SHOC2: variants seen among roughly 807,000 people sequenced by gnomAD.
SHOC2 encodes the protein SHOC2 leucine rich repeat scaffold protein.
Under a neutral mutation model 50.2 loss-of-function variants are expected in SHOC2, and 4 were observed. The observed-to-expected ratio is 0.08, with a 90% CI of 0.04 to 0.18. The LOEUF is 0.18. SHOC2 is among the 10% of genes least tolerant of loss of function. The probability of loss-of-function intolerance (pLI) is 1.00; values close to 1 mark genes in which losing one functional copy is unlikely to be tolerated. For synonymous variants in SHOC2, 218 were observed against 244.5 expected (o/e 0.89, Z 1.01); for missense variants, 388 against 669.6 (o/e 0.58, Z 4.64).
chr10:111,010,730 C>G (rs1848551751), intron 8 of SHOC2, among the ~76,000 whole-genome samples: 1 of 152,064 alleles, frequency 6.6e-6, no homozygotes, highest in Non-Finnish European at 1.5e-5. Flanking sequence ...TCTAGCCCTG[C>G]TGCTTATTGG....
chr10:111,000,561 G>A lies in SHOC2; in HGVS notation c.972+16G>A, dbSNP rs1438996295. 1.2e-6 allele frequency: 2 copies of A among 1,601,262 alleles called. No individual in the cohort carries two copies. The highest frequency in any genetic ancestry group is 1.7e-6 in the Non-Finnish European group (2 of 1,170,392). ...TTTACCAGAGGTAAGAAGTGGATTAGAGAAAACAAGATTTGAAATGAGTCT... is the reference window on the plus strand; with the variant it reads ...TTTACCAGAGGTAAGAAGTGGATTAAAGAAAACAAGATTTGAAATGAGTCT... On this transcript the variant is annotated intron_variant, in intron 4 of 8. Coordinates refer to ENST00000369452, the MANE Select transcript of SHOC2 (RefSeq NM_007373.4).
intron 3 of SHOC2, among the ~76,000 whole-genome samples, chr10:110,997,889 T>A (rs925061605): frequency 6.6e-6 from 1 of 152,196 alleles, no homozygotes; most frequent in South Asian, 2.1e-4. Flanking sequence ...TTATTGAATA[T>A]TTAGATTGTC....
chr10:110,941,547 G>A (rs1267460487), intron 1 of SHOC2, among the ~76,000 whole-genome samples: 2 of 150,956 alleles, frequency 1.3e-5, no homozygotes, highest in Non-Finnish European at 2.9e-5. Context: ...GGCCAGGCCA[G>A]TCTCGAACTC....
At chr10:110,937,244 C>T in intron 1 of SHOC2, 1 of 1,067,052 alleles carries the variant, frequency 9.4e-7, no homozygotes, top group South Asian at 1.3e-5. Context: ...CTTCGGCTGC[C>T]CCTTGGGAAA....
At chr10:110,942,736 T>G (rs1235160252) in intron 1 of SHOC2, among the ~76,000 whole-genome samples, 1 of 152,246 alleles carries the variant, frequency 6.6e-6, no homozygotes, top group Non-Finnish European at 1.5e-5. Context: ...GTACTCACTT[T>G]ATTTCTAATA....
intron 2 of SHOC2, among the ~76,000 whole-genome samples, chr10:110,970,140 A>G (rs1417390121): frequency 2.0e-5 from 3 of 152,160 alleles, no homozygotes; most frequent in African/African-American, 7.2e-5. Flanking sequence ...AACAGATAGA[A>G]TTCCTCCTAT....
chr10:110,935,268 G>A (rs538282355), intron 1 of SHOC2, among the ~76,000 whole-genome samples: 1 of 152,346 alleles, frequency 6.6e-6, no homozygotes, highest in Admixed American at 6.5e-5. Context: ...CTGAGGCACA[G>A]AAACTTTAAA....
chr10:110,972,432 G>T (rs180841768), intron 2 of SHOC2, among the ~76,000 whole-genome samples: 2 of 152,230 alleles, frequency 1.3e-5, no homozygotes, highest in Non-Finnish European at 2.9e-5. Context: ...ATTCATAGTT[G>T]TTAATAAATA....
chr10:110,968,155 C>T (rs1011145822), intron 2 of SHOC2, among the ~76,000 whole-genome samples: 4 of 152,162 alleles, frequency 2.6e-5, no homozygotes, highest in African/African-American at 7.2e-5. Flanking sequence ...CTTATTATAA[C>T]CATTCTATCG....
At chr10:110,979,704 T>C (rs989701754) in intron 2 of SHOC2, among the ~76,000 whole-genome samples, 27 of 152,206 alleles carry the variant, frequency 1.8e-4, no homozygotes, top group African/African-American at 6.3e-4. Flanking sequence ...TTTCTTCATC[T>C]TTTTCCCCCA....
Position 110,938,653 on chromosome 10 carries a change from G to A in SHOC2, c.-235+18996G>A, listed in dbSNP as rs539445649. Among the ~76,000 whole-genome samples the A allele has an allele frequency of 5.9e-5, 9 of 152,226 alleles. No individual in the cohort carries two copies. In the East Asian group the frequency reaches 7.7e-4, roughly 13 times the overall value. ...TATAATAATGTACTTTGCGAAGAAC[G>A]TATAGAACACTAATAATTTCTACTT... On this transcript the variant is annotated intron_variant, in intron 1 of 8. Coordinates refer to ENST00000369452, the MANE Select transcript of SHOC2 (RefSeq NM_007373.4).
intron 1 of SHOC2, among the ~76,000 whole-genome samples, chr10:110,947,324 A>G (rs895615081): frequency 1.3e-5 from 2 of 152,212 alleles, no homozygotes; most frequent in African/African-American, 4.8e-5. Flanking sequence ...CTGCTGGAGA[A>G]GTCAGGCAGC....
chr10:110,975,217 G>T (rs543248465), intron 2 of SHOC2, among the ~76,000 whole-genome samples: 1 of 150,802 alleles, frequency 6.6e-6, no homozygotes, highest in African/African-American at 2.4e-5. Flanking sequence ...GTGCAGTGGC[G>T]CAGTCTTGGC....
chr10:110,988,504 T>G (rs566904822), intron 3 of SHOC2, among the ~76,000 whole-genome samples: 1 of 152,156 alleles, frequency 6.6e-6, no homozygotes, highest in African/African-American at 2.4e-5. Context: ...CATAACATTC[T>G]TATTATTTTA....
At chr10:111,001,124 T>C (rs142913012) in intron 4 of SHOC2, among the ~76,000 whole-genome samples, 2 of 151,956 alleles carry the variant, frequency 1.3e-5, no homozygotes, top group African/African-American at 4.8e-5. Context: ...TTTCACTTAT[T>C]TTGCTTAGGG....
intron 1 of SHOC2, among the ~76,000 whole-genome samples, chr10:110,960,253 A>G (rs1222880537): frequency 1.3e-5 from 2 of 152,252 alleles, no homozygotes; most frequent in Non-Finnish European, 2.9e-5. Flanking sequence ...TTTATGCTAA[A>G]CTGACAGAAT....
intron 3 of SHOC2, among the ~76,000 whole-genome samples, chr10:110,986,290 T>G (rs1032236900): frequency 6.6e-6 from 1 of 152,196 alleles, no homozygotes; most frequent in African/African-American, 2.4e-5. Flanking sequence ...TGATATGTTT[T>G]GTGTTTATGT....
intron 4 of SHOC2, 125 bp from the exon 5 acceptor site, chr10:111,004,481 C>CA (rs1429668371): frequency 4.2e-6 from 3 of 706,314 alleles, no homozygotes; most frequent in Non-Finnish European, 7.6e-6. Flanking sequence ...CAGACTGCCC[C>CA]AACCAGTCTC....
intron 3 of SHOC2, among the ~76,000 whole-genome samples, chr10:110,994,790 A>G (rs1848242213): frequency 6.6e-6 from 1 of 152,232 alleles, no homozygotes; most frequent in Admixed American, 6.5e-5. Flanking sequence ...ATAGGAAGAT[A>G]CATTTATATA....
Sources: allele counts gnomAD v4.1 joint callset (sites outside exome capture counted in the v4.1 genomes callset), GRCh38; gene constraint gnomAD v4.1.1; transcripts MANE v1.5; gene names NCBI Gene and HGNC (gene_info 2026-07-23, HGNC 2026-07-21).